Variants in ROBO2 observed in about 807,000 individuals in gnomAD.
The protein encoded by ROBO2 is roundabout guidance receptor 2, also known as roundabout homolog 2.
A neutral mutation model predicts 160.8 loss-of-function variants in ROBO2; 53 were observed. The observed-to-expected ratio is 0.33, with a 90% CI of 0.26 to 0.41. The LOEUF is 0.41. Among genes scored for constraint, ROBO2 ranks in the 10% least tolerant of loss-of-function variants. The probability of loss-of-function intolerance (pLI) is 1.00; values close to 1 mark genes in which losing one functional copy is unlikely to be tolerated. For missense variants in ROBO2, 1,577 were observed against 1,722.4 expected (o/e 0.92, Z 1.49); for synonymous variants, 664 against 611.7 (o/e 1.09, Z -1.26).
At chr3:76,997,222 T>G (rs1293515160) in intron 2 of ROBO2, among the ~76,000 whole-genome samples, 1 of 152,226 alleles carries the variant, frequency 6.6e-6, no homozygotes, top group Non-Finnish European at 1.5e-5. Flanking sequence ...TTGCTCACTT[T>G]AATCAATACT....
intron 8 of ROBO2, among the ~76,000 whole-genome samples, chr3:77,555,765 C>A (rs1432753713): frequency 2.0e-5 from 3 of 151,788 alleles, no homozygotes; most frequent in Non-Finnish European, 4.4e-5. Context: ...TGAGAGAAAA[C>A]CGTGGAGTTG....
At chr3:76,055,175 CA>C (rs1278939662) in intron 2 of ROBO2, among the ~76,000 whole-genome samples, 1 of 152,104 alleles carries the variant, frequency 6.6e-6, no homozygotes, top group Non-Finnish European at 1.5e-5. Context: ...TTCAATATCA[CA>C]AGAACAGCAT....
chr3:76,903,437 T>C (rs554367057), intron 2 of ROBO2, among the ~76,000 whole-genome samples: 1 of 152,254 alleles, frequency 6.6e-6, no homozygotes, highest in South Asian at 2.1e-4. Flanking sequence ...ATTGTCTCTC[T>C]GACTGTCAAT....
intron 2 of ROBO2, among the ~76,000 whole-genome samples, chr3:76,787,099 C>G (rs1003545287): frequency 6.6e-6 from 1 of 151,118 alleles, no homozygotes; most frequent in East Asian, 2.0e-4. Flanking sequence ...ATCAAGAGAA[C>G]AGCAAGAGGG....
At chr3:76,646,053 G>A (rs890143966) in intron 2 of ROBO2, among the ~76,000 whole-genome samples, 3 of 152,150 alleles carry the variant, frequency 2.0e-5, no homozygotes, top group East Asian at 1.9e-4. Flanking sequence ...CTAAGTGTTC[G>A]AGACGTGATT....
At chr3:77,278,557 A>G (rs1002530712) in intron 2 of ROBO2, among the ~76,000 whole-genome samples, 7 of 152,196 alleles carry the variant, frequency 4.6e-5, no homozygotes, top group South Asian at 2.1e-4. Flanking sequence ...GAATCCAGGT[A>G]CAGTGTTAAA....
At chr3:77,021,231 C>T (rs1265792764) in intron 2 of ROBO2, among the ~76,000 whole-genome samples, 2 of 151,732 alleles carry the variant, frequency 1.3e-5, no homozygotes, top group African/African-American at 4.8e-5. Context: ...AAAAGAATAC[C>T]CCAAAGTATG....
chr3:76,740,347 T>C (rs1198616716), intron 2 of ROBO2, among the ~76,000 whole-genome samples: 3 of 152,222 alleles, frequency 2.0e-5, no homozygotes, highest in African/African-American at 7.2e-5. Context: ...GTCTGCTATG[T>C]TGCGTTATAC....
At chr3:76,059,797 G>A (rs938502376) in intron 2 of ROBO2, among the ~76,000 whole-genome samples, 3 of 152,298 alleles carry the variant, frequency 2.0e-5, no homozygotes, top group South Asian at 2.1e-4. Flanking sequence ...TAATATGTAA[G>A]TCTTTATCCA....
chr3:77,396,834 G>A (rs1293648106), intron 2 of ROBO2, among the ~76,000 whole-genome samples: 1 of 151,960 alleles, frequency 6.6e-6, no homozygotes, highest in African/African-American at 2.4e-5. Context: ...GCACTTATGT[G>A]GGCAATTTAT....
intron 2 of ROBO2, among the ~76,000 whole-genome samples, chr3:76,781,820 G>A (rs185309361): frequency 6.6e-6 from 1 of 150,760 alleles, no homozygotes; most frequent in Admixed American, 6.6e-5. Context: ...TTGCATCTAT[G>A]TACTTTTCTT....
intron 2 of ROBO2, among the ~76,000 whole-genome samples, chr3:75,957,188 G>T (rs1948748896): frequency 6.6e-6 from 1 of 150,842 alleles, no homozygotes; most frequent in Admixed American, 6.7e-5. Flanking sequence ...ATTGAAGTTG[G>T]AATTCCAGGT....
At chr3:76,323,840 T>C (rs1294086564) in intron 2 of ROBO2, among the ~76,000 whole-genome samples, 2 of 152,216 alleles carry the variant, frequency 1.3e-5, no homozygotes, top group East Asian at 3.8e-4. Context: ...TGCCAGTCAA[T>C]CTAAAATGGA....
At chr3:77,465,989 A>T (rs549863863) in intron 2 of ROBO2, among the ~76,000 whole-genome samples, 21 of 152,288 alleles carry the variant, frequency 1.4e-4, no homozygotes, top group African/African-American at 4.8e-4. Context: ...GAAGATGGTG[A>T]TGCTTTTGAA....
chr3:76,347,438 T>C (rs1247642720), intron 2 of ROBO2, among the ~76,000 whole-genome samples: 1 of 152,110 alleles, frequency 6.6e-6, no homozygotes, highest in Non-Finnish European at 1.5e-5. Flanking sequence ...GAATTCTCAC[T>C]TTCTAATAAC....
chr3:77,117,367 C>T (rs1304915687), intron 2 of ROBO2, among the ~76,000 whole-genome samples: 3 of 152,094 alleles, frequency 2.0e-5, no homozygotes, highest in Admixed American at 6.6e-5. Flanking sequence ...ACCTATGATA[C>T]TAAATCTTTT....
chr3:77,202,384 T>C (rs1401862180), intron 2 of ROBO2, among the ~76,000 whole-genome samples: 1 of 152,150 alleles, frequency 6.6e-6, no homozygotes, highest in African/African-American at 2.4e-5. Context: ...GCTGAATGGT[T>C]TGAAGAAAGT....
chr3:75,997,917 T>G (rs938638962), intron 2 of ROBO2, among the ~76,000 whole-genome samples: 9 of 152,216 alleles, frequency 5.9e-5, no homozygotes, highest in Non-Finnish European at 1.3e-4. Context: ...AAGTACCACC[T>G]GTTCAAGCTA....
chr3:76,367,362 G>A (rs1022671715), intron 2 of ROBO2, among the ~76,000 whole-genome samples: 29 of 151,906 alleles, frequency 1.9e-4, no homozygotes, highest in African/African-American at 6.8e-4. Flanking sequence ...AGGAAAACTT[G>A]AAAATGAAGA....
Sources: allele counts gnomAD v4.1 joint callset (sites outside exome capture counted in the v4.1 genomes callset), GRCh38; gene constraint gnomAD v4.1.1; transcripts MANE v1.5; gene names NCBI Gene and HGNC (gene_info 2026-07-23, HGNC 2026-07-21).